The following RBBP8 variants were observed in gnomAD, a reference collection of about 807,000 sequenced individuals.
RBBP8 encodes RB binding protein 8, endonuclease, also known as DNA endonuclease RBBP8.
Under a neutral mutation model 108.3 loss-of-function variants are expected in RBBP8, and 88 were observed. That is an observed-to-expected ratio of 0.81 (90% CI 0.68 to 0.97). The LOEUF (loss-of-function observed/expected upper bound fraction) is 0.97, where lower values mean the gene tolerates loss of function less well. RBBP8 is among the 50% of genes least tolerant of loss of function. The pLI, the probability that RBBP8 is intolerant of heterozygous loss-of-function variation, is 0.00. For missense variants in RBBP8, 1,023 were observed against 1,049.0 expected, an observed-to-expected ratio of 0.98 and a Z score of 0.34; for synonymous variants, 332 against 348.2, an observed-to-expected ratio of 0.95 and a Z score of 0.52.
chr18:22,996,982 A>G (rs2144725002), intron 13 of RBBP8, among the ~76,000 whole-genome samples: 1 of 152,358 alleles, frequency 6.6e-6, no homozygotes, highest in Non-Finnish European at 1.5e-5. Flanking sequence ...CTAGGCAACC[A>G]GAGCAAGACC....
intron 16 of RBBP8, among the ~76,000 whole-genome samples, chr18:23,015,095 T>G (rs904712702): frequency 2.0e-5 from 3 of 152,158 alleles, no homozygotes; most frequent in Non-Finnish European, 4.4e-5. Flanking sequence ...GTTTGATATG[T>G]TGCCCAGGCT....
At chr18:22,945,724 T>C (rs1348171542) in intron 2 of RBBP8, among the ~76,000 whole-genome samples, 1 of 152,216 alleles carries the variant, frequency 6.6e-6, no homozygotes, top group Non-Finnish European at 1.5e-5. Flanking sequence ...GTTTTATAAT[T>C]TTTACAATTT....
chr18:22,972,634 G>C (rs571574195), intron 5 of RBBP8, among the ~76,000 whole-genome samples: 1 of 152,042 alleles, frequency 6.6e-6, no homozygotes, highest in Non-Finnish European at 1.5e-5. Flanking sequence ...GGCTGGCCTC[G>C]AACTCCTAAC....
At chr18:22,914,901 T>C (rs1458562568) in intron 1 of RBBP8, among the ~76,000 whole-genome samples, 1 of 152,174 alleles carries the variant, frequency 6.6e-6, no homozygotes, top group African/African-American at 2.4e-5. Context: ...GTCATGCCTA[T>C]TAGGTCTGAA....
At chr18:22,917,731 T>C (rs1909416375) in intron 3 of RBBP8, among the ~76,000 whole-genome samples, 1 of 152,168 alleles carries the variant, frequency 6.6e-6, no homozygotes, top group Admixed American at 6.5e-5. Flanking sequence ...CCGGGCGCAG[T>C]GGCTCACTCC....
In RBBP8 at chr18:22,936,943, A is replaced by G; in HGVS notation, c.92A>G (p.His31Arg). 1.9e-6 allele frequency: 3 copies of G among 1,614,134 alleles called. No homozygotes were observed. The highest frequency in any genetic ancestry group is 2.5e-6 in the Non-Finnish European group (3 of 1,180,024). Residue 31 changes from histidine (H) to arginine (R), a missense_variant, in exon 2 of 19, where the codon CAT (histidine) becomes CGT (arginine). Physicochemically the swap from His to Arg is conservative, Grantham distance 29. Transcript: ENST00000327155. ...CTTTGGACAAAACTAAAAGAATGTC[A>G]TGATAGAGAAGTACAAGGTAAAATC... The part of the protein sequence containing the change: ...KDLWTKLKEC[H>R]DREVQGLQVK...
At chr18:23,022,575 C>A in intron 18 of RBBP8, among the ~76,000 whole-genome samples, 1 of 122,828 alleles carries the variant, frequency 8.1e-6, no homozygotes, top group Non-Finnish European at 1.6e-5. Flanking sequence ...GCACTCCAGC[C>A]TGGGCGACAG....
intron 16 of RBBP8, among the ~76,000 whole-genome samples, chr18:23,008,059 G>C (rs893814351): frequency 6.6e-6 from 1 of 151,924 alleles, no homozygotes; most frequent in Admixed American, 6.6e-5. Context: ...TGATCCACCC[G>C]CCTCGGCCTC....
chr18:22,992,004 A>C (rs189988770), intron 10 of RBBP8, among the ~76,000 whole-genome samples: 105 of 152,304 alleles, frequency 6.9e-4, no homozygotes, highest in African/African-American at 2.5e-3. Context: ...TTCAGGCCAC[A>C]TAGCTATTAA....
At chr18:22,924,390 G>C (rs1414940942) in intron 3 of RBBP8, among the ~76,000 whole-genome samples, 3 of 152,036 alleles carry the variant, frequency 2.0e-5, no homozygotes, top group African/African-American at 2.4e-5. Context: ...GCCTCCCAAA[G>C]TGCTGGGATT....
At chr18:22,983,263 G>C (rs1417299352) in intron 7 of RBBP8, among the ~76,000 whole-genome samples, 1 of 152,124 alleles carries the variant, frequency 6.6e-6, no homozygotes, top group Non-Finnish European at 1.5e-5. Flanking sequence ...GGGGACGGGG[G>C]ATATATATGT....
At chr18:23,026,064 G>C in intron 18 of RBBP8, 79 bp from the exon 19 acceptor site, 1 of 1,109,996 alleles carries the variant, frequency 9.0e-7, no homozygotes, top group South Asian at 1.3e-5. Flanking sequence ...CATCAAATAA[G>C]AGAAATGTTT....
Position 22,993,486 on chromosome 18 carries a change from C to G in RBBP8, c.1659C>G (p.Pro553=), listed in dbSNP as rs1915849899. The G allele has an allele frequency of 1.2e-6, 2 of 1,614,170 alleles. No individual in the cohort carries two copies. Among genetic ancestry groups the G allele is most frequent in the Non-Finnish European group, 8.5e-7 (1 of 1,180,024 alleles). The part of the protein sequence containing the change: ...CTLPKDSPGE[P]CSQECIILQP... Reference sequence around the variant, plus strand: ...TGCCCAAAGATTCCCCAGGGGAGCCCTGTTCACAGGAATGCATCATCCTTC... The same window carrying G: ...TGCCCAAAGATTCCCCAGGGGAGCCGTGTTCACAGGAATGCATCATCCTTC... The change falls in exon 11 of 19, where the codon CCC becomes CCG. Residue 553 remains proline (P), a synonymous_variant. Transcript: ENST00000327155.
intron 5 of RBBP8, among the ~76,000 whole-genome samples, chr18:22,970,115 A>G (rs1403093652): frequency 6.6e-6 from 1 of 152,212 alleles, no homozygotes; most frequent in Admixed American, 6.5e-5. Context: ...ATAATACCAA[A>G]TGCAGTCTCT....
intron 6 of RBBP8, among the ~76,000 whole-genome samples, chr18:22,977,171 G>A (rs577650022): frequency 5.9e-5 from 9 of 151,574 alleles, no homozygotes; most frequent in South Asian, 2.1e-4. Flanking sequence ...TAGCTTGGTC[G>A]CAAAGAAATT....
chr18:22,936,388 C>T (rs1196325547), intron 1 of RBBP8, among the ~76,000 whole-genome samples: 1 of 152,156 alleles, frequency 6.6e-6, no homozygotes, highest in East Asian at 1.9e-4. Context: ...AGGCAAGAGC[C>T]ATCTCCCCCA....
chr18:22,915,993 G>A (rs913136720), intron 2 of RBBP8, among the ~76,000 whole-genome samples: 3 of 151,906 alleles, frequency 2.0e-5, no homozygotes, highest in South Asian at 4.1e-4. Context: ...TTACTTTCAT[G>A]TATTTTCCAT....
At chr18:22,953,042 A>T (rs1912179507) in intron 4 of RBBP8, among the ~76,000 whole-genome samples, 1 of 152,230 alleles carries the variant, frequency 6.6e-6, no homozygotes. Context: ...AAGACTTTGG[A>T]CACTGAAGAG....
Position 23,001,658 on chromosome 18 carries a change from G to T in RBBP8, c.2216G>T (p.Cys739Phe). The change falls in exon 15 of 19, where the codon TGT becomes TTT. Residue 739 changes from cysteine (C) to phenylalanine (F), a missense_variant. Coordinates refer to ENST00000327155, the MANE Select transcript of RBBP8 (RefSeq NM_002894.3). ...ACAACACATGAAGAGTATGAATCCT[G>T]TTTGGCAGACAGTTTCTCCCAAGCA... ...DRTTHEEYES[C>F]LADSFSQAAD... 2 of 1,614,132 alleles carry T rather than the reference G, an allele frequency of 1.2e-6. No homozygotes were observed. Among genetic ancestry groups the T allele is most frequent in the Non-Finnish European group, 8.5e-7 (1 of 1,180,004 alleles).
Sources: allele counts gnomAD v4.1 joint callset (sites outside exome capture counted in the v4.1 genomes callset), GRCh38; gene constraint gnomAD v4.1.1; transcripts MANE v1.5; gene names NCBI Gene and HGNC (gene_info 2026-07-23, HGNC 2026-07-21).